SBF2: variants seen among roughly 807,000 people sequenced by gnomAD.
The protein encoded by SBF2 is myotubularin-related protein 13.
SBF2 carries 112 observed loss-of-function variants against 225.2 expected under a neutral mutation model. The observed-to-expected ratio is 0.50, with a 90% CI of 0.43 to 0.58. The LOEUF (loss-of-function observed/expected upper bound fraction) is 0.58. Among genes scored for constraint, SBF2 ranks in the 20% least tolerant of loss-of-function variants. SBF2 has a pLI of 0.00. For missense variants in SBF2, 1,996 were observed against 2,206.2 expected (o/e 0.90, Z 1.91); for synonymous variants, 763 against 773.3 (o/e 0.99, Z 0.22).
chr11:9,809,240 C>G, intron 30 of SBF2: 1 of 438,754 alleles, frequency 2.3e-6, no homozygotes, highest in Non-Finnish European at 4.2e-6. Flanking sequence ...CCGAGCCGGG[C>G]AGGTCATTTG....
intron 1 of SBF2, among the ~76,000 whole-genome samples, chr11:10,236,399 C>T (rs1354731881): frequency 2.0e-5 from 3 of 152,174 alleles, no homozygotes; most frequent in Non-Finnish European, 4.4e-5. Flanking sequence ...GGAGTTCAAG[C>T]CTACTGTGAG....
At chr11:10,159,698 C>T (rs532283944) in intron 2 of SBF2, among the ~76,000 whole-genome samples, 5 of 152,054 alleles carry the variant, frequency 3.3e-5, no homozygotes, top group African/African-American at 1.2e-4. Flanking sequence ...GTCAGGAGAT[C>T]GAGACCACAG....
intron 3 of SBF2, among the ~76,000 whole-genome samples, chr11:10,031,709 C>G (rs959630823): frequency 1.3e-5 from 2 of 152,154 alleles, no homozygotes; most frequent in Non-Finnish European, 2.9e-5. Flanking sequence ...TGCTTTTGTT[C>G]ATAAGCAACA....
intron 1 of SBF2, among the ~76,000 whole-genome samples, chr11:10,232,257 G>T (rs114173830): frequency 0.022 from 3,290 of 152,316 alleles, 90 homozygotes; most frequent in African/African-American, 0.065. Flanking sequence ...GTACTTCCCA[G>T]GTGAGGGGAT....
intron 25 of SBF2, among the ~76,000 whole-genome samples, chr11:9,841,417 G>A (rs1299395340): frequency 6.6e-6 from 1 of 152,146 alleles, no homozygotes; most frequent in African/African-American, 2.4e-5. Context: ...TCCAACAAAT[G>A]GGTGTGGTGT....
intron 17 of SBF2, among the ~76,000 whole-genome samples, chr11:9,863,073 ACTTC>A (rs1328723922): frequency 6.9e-6 from 1 of 145,486 alleles, no homozygotes; most frequent in Non-Finnish European, 1.5e-5. Flanking sequence ...GAATGTGTTG[ACTTC>A]CTTCTTTATC....
chr11:10,214,218 C>T (rs897116766), intron 1 of SBF2, among the ~76,000 whole-genome samples: 11 of 152,168 alleles, frequency 7.2e-5, no homozygotes, highest in Non-Finnish European at 1.0e-4. Context: ...TAGCACCCTG[C>T]TCCCCCAGTT....
At position 10,026,150 on chromosome 11, in the gene SBF2, GT is replaced by G. The variant is rs1949047280; in HGVS notation, c.619+2301del. Among the ~76,000 whole-genome samples, 2 of 151,498 alleles carry G rather than the reference GT, an allele frequency of 1.3e-5. 1 individual carries two copies. The highest frequency in any genetic ancestry group is 6.4e-3 in the Middle Eastern group (2 of 314). ...CCCTGGTCCTTGACGCTAAATGCTG[GT>G]TACAACCTCCTCCTCTCCTCCCCCC... On this transcript the variant is annotated intron_variant, in intron 6 of 39. Transcript: ENST00000256190.
intron 17 of SBF2, among the ~76,000 whole-genome samples, chr11:9,892,810 C>T (rs895037114): frequency 8.5e-5 from 13 of 152,252 alleles, no homozygotes; most frequent in African/African-American, 2.6e-4. Flanking sequence ...CCGCCCGCCT[C>T]GGCCTCCCAA....
chr11:9,930,769 G>A (rs764358731), intron 16 of SBF2, among the ~76,000 whole-genome samples: 4 of 152,198 alleles, frequency 2.6e-5, no homozygotes, highest in African/African-American at 4.8e-5. Context: ...TGCAGCCCAC[G>A]GAGGGTGAGC....
intron 1 of SBF2, among the ~76,000 whole-genome samples, chr11:10,253,988 C>T (rs1270569517): frequency 6.6e-6 from 1 of 152,090 alleles, no homozygotes; most frequent in Non-Finnish European, 1.5e-5. Flanking sequence ...TAAAAAATAG[C>T]AAGTGTTGGT....
intron 1 of SBF2, among the ~76,000 whole-genome samples, chr11:10,209,900 T>C (rs899408417): frequency 1.5e-4 from 23 of 152,148 alleles, no homozygotes; most frequent in African/African-American, 5.3e-4. Flanking sequence ...AAGATCCAGC[T>C]TCTTCAGGTT....
chr11:9,835,215 G>C (rs1284344386), intron 26 of SBF2, among the ~76,000 whole-genome samples: 1 of 151,906 alleles, frequency 6.6e-6, no homozygotes, highest in Non-Finnish European at 1.5e-5. Flanking sequence ...ACATACAAAT[G>C]CTCAAAACCT....
chr11:10,199,779 G>T (rs575358919), intron 1 of SBF2, among the ~76,000 whole-genome samples: 2 of 152,162 alleles, frequency 1.3e-5, no homozygotes, highest in Non-Finnish European at 2.9e-5. Context: ...GGGAATGGTG[G>T]TACAAACCTG....
At chr11:9,821,910 G>T (rs1217718707) in intron 28 of SBF2, among the ~76,000 whole-genome samples, 1 of 152,170 alleles carries the variant, frequency 6.6e-6, no homozygotes, top group Non-Finnish European at 1.5e-5. Context: ...GAAAGTCACT[G>T]GCTAAACCTA....
chr11:9,842,523 C>T, intron 25 of SBF2, 102 bp downstream of exon 25: 3 of 1,214,498 alleles, frequency 2.5e-6, no homozygotes, highest in Non-Finnish European at 3.6e-6. Flanking sequence ...CTCATGAGAT[C>T]TAGGTTTTTG....
At chr11:9,816,702 A>C (rs1424374750) in intron 29 of SBF2, 138 bp downstream of exon 29, 8 of 627,702 alleles carry the variant, frequency 1.3e-5, no homozygotes, top group Non-Finnish European at 1.8e-5. Flanking sequence ...AAGGAGAGCT[A>C]AATTTTTTGA....
intron 2 of SBF2, among the ~76,000 whole-genome samples, chr11:10,182,773 G>GT (rs1344753931): frequency 6.6e-6 from 1 of 150,704 alleles, no homozygotes; most frequent in Admixed American, 6.6e-5. Flanking sequence ...TTTGTTTGTT[G>GT]TTTTTTAATT....
chr11:10,102,840 T>A (rs1421703031), intron 2 of SBF2, among the ~76,000 whole-genome samples: 3 of 152,198 alleles, frequency 2.0e-5, no homozygotes, highest in Admixed American at 6.5e-5. Flanking sequence ...CTAAAAAGTT[T>A]ATGAAAATCT....
Sources: allele counts gnomAD v4.1 joint callset (sites outside exome capture counted in the v4.1 genomes callset), GRCh38; gene constraint gnomAD v4.1.1; transcripts MANE v1.5; gene names NCBI Gene and HGNC (gene_info 2026-07-23, HGNC 2026-07-21).